Variants in SUPT3H observed in about 807,000 individuals in gnomAD.
SUPT3H encodes the protein SPT3 homolog, SAGA and STAGA complex component.
Under a neutral mutation model 44.3 loss-of-function variants are expected in SUPT3H, and 44 were observed. The observed-to-expected ratio is 0.99, with a 90% CI of 0.78 to 1.28. The LOEUF (loss-of-function observed/expected upper bound fraction) is 1.28. SUPT3H is among the 50% of genes most tolerant of loss of function. The pLI, the probability that SUPT3H is intolerant of heterozygous loss-of-function variation, is 0.00. For missense variants in SUPT3H, 380 were observed against 387.1 expected (o/e 0.98, Z 0.15); for synonymous variants, 124 against 125.6 (o/e 0.99, Z 0.09).
At chr6:44,864,476 G>A (rs528361964) in intron 10 of SUPT3H, among the ~76,000 whole-genome samples, 3 of 152,296 alleles carry the variant, frequency 2.0e-5, no homozygotes, top group South Asian at 4.1e-4. Flanking sequence ...CTCCATGAGA[G>A]CCCCACCCCT....
intron 3 of SUPT3H, among the ~76,000 whole-genome samples, chr6:45,071,307 A>G (rs1428900685): frequency 6.8e-6 from 1 of 148,130 alleles, no homozygotes; most frequent in Non-Finnish European, 1.5e-5. Context: ...ATATTTTAAA[A>G]TTGTTAGAAA....
intron 10 of SUPT3H, among the ~76,000 whole-genome samples, chr6:44,902,237 TAA>T (rs1294621352): frequency 6.6e-6 from 1 of 151,974 alleles, no homozygotes; most frequent in Non-Finnish European, 1.5e-5. Flanking sequence ...GCAAATTGGA[TAA>T]AGAGTCATGA....
chr6:45,079,205 G>A (rs184462570), intron 3 of SUPT3H, among the ~76,000 whole-genome samples: 1 of 152,232 alleles, frequency 6.6e-6, no homozygotes, highest in East Asian at 1.9e-4. Flanking sequence ...AGCTACTTGG[G>A]AGGCTGAGGC....
At chr6:45,070,739 C>CGA (rs1794240879) in intron 3 of SUPT3H, among the ~76,000 whole-genome samples, 1 of 102,846 alleles carries the variant, frequency 9.7e-6, no homozygotes, top group South Asian at 3.4e-4. Flanking sequence ...CTGTCTCAAA[C>CGA]AAAAAAAAAA....
chr6:45,365,242 T>G lies in SUPT3H; in HGVS notation c.60A>C (p.Thr20=). ...STATSSSGRS[T]GKSISFATEL... Reference sequence around the variant, plus strand: ...CTGTTGCAAAGCTTATAGACTTCCCTGTACTCCTTCCACTACTTGAAGTTG... The same window carrying G: ...CTGTTGCAAAGCTTATAGACTTCCCGGTACTCCTTCCACTACTTGAAGTTG... The change falls in exon 2 of 11, where the codon ACA becomes ACC. Residue 20 remains threonine (T), a synonymous_variant. Coordinates refer to ENST00000371459, the MANE Select transcript of SUPT3H (RefSeq NM_003599.4). The G allele has an allele frequency of 6.2e-7, 1 of 1,612,714 alleles. No homozygotes were observed. Among genetic ancestry groups the G allele is most frequent in the South Asian group, 1.1e-5 (1 of 90,998 alleles).
At chr6:44,898,856 C>G (rs1755564571) in intron 10 of SUPT3H, 1 of 152,244 alleles carries the variant, frequency 6.6e-6, no homozygotes, top group South Asian at 2.1e-4. Context: ...CATGACTACC[C>G]CGACTTGGCC....
chr6:45,320,570 T>C (rs1785337210), intron 2 of SUPT3H, among the ~76,000 whole-genome samples: 2 of 152,026 alleles, frequency 1.3e-5, no homozygotes, highest in East Asian at 1.9e-4. Flanking sequence ...TGAACCACCA[T>C]GCCTGGCCAC....
chr6:45,031,857 G>A (rs551301901), intron 3 of SUPT3H, among the ~76,000 whole-genome samples: 1 of 152,290 alleles, frequency 6.6e-6, no homozygotes, highest in East Asian at 1.9e-4. Context: ...CTAGCTGCAA[G>A]TGCATGAAAG....
intron 2 of SUPT3H, among the ~76,000 whole-genome samples, chr6:45,220,283 T>C (rs1211654962): frequency 6.6e-6 from 1 of 151,980 alleles, no homozygotes; most frequent in Non-Finnish European, 1.5e-5. Flanking sequence ...GTGGGAGTTA[T>C]TCCACATGTG....
intron 4 of SUPT3H, among the ~76,000 whole-genome samples, chr6:45,016,125 T>C (rs1784230342): frequency 6.6e-6 from 1 of 152,042 alleles, no homozygotes; most frequent in Non-Finnish European, 1.5e-5. Context: ...TTTTATACCA[T>C]CAGCAGTGCA....
At chr6:44,868,199 T>A (rs761385643) in intron 10 of SUPT3H, among the ~76,000 whole-genome samples, 1 of 152,178 alleles carries the variant, frequency 6.6e-6, no homozygotes, top group African/African-American at 2.4e-5. Context: ...AGTGCCCCCA[T>A]AGCTGGTGTA....
chr6:44,923,927 A>C (rs1769125930), intron 10 of SUPT3H, among the ~76,000 whole-genome samples: 1 of 152,152 alleles, frequency 6.6e-6, no homozygotes, highest in Non-Finnish European at 1.5e-5. Context: ...AATGAAGTTC[A>C]CCAAATATGG....
chr6:45,042,005 G>C (rs1213978860), intron 3 of SUPT3H, among the ~76,000 whole-genome samples: 2 of 152,168 alleles, frequency 1.3e-5, no homozygotes, highest in African/African-American at 4.8e-5. Context: ...AACTATATTA[G>C]AGACAGTAAA....
intron 1 of SUPT3H, 86 bp from the exon 2 acceptor site, chr6:45,365,387 T>G: frequency 1.2e-6 from 1 of 863,138 alleles, no homozygotes; most frequent in Non-Finnish European, 1.8e-6. Context: ...ATAAATTACT[T>G]CAAAAAGTAG....
chr6:44,992,846 T>C (rs1780777022), intron 6 of SUPT3H, among the ~76,000 whole-genome samples: 1 of 152,126 alleles, frequency 6.6e-6, no homozygotes. Context: ...TAAGAGATTA[T>C]ATATCCAGAA....
chr6:45,101,361 G>A (rs1236452751), intron 3 of SUPT3H, among the ~76,000 whole-genome samples: 2 of 152,178 alleles, frequency 1.3e-5, no homozygotes, highest in African/African-American at 4.8e-5. Context: ...GGAGGCGGAG[G>A]TTGCGGTGAG....
intron 3 of SUPT3H, among the ~76,000 whole-genome samples, chr6:45,065,662 T>C (rs1441481984): frequency 6.6e-6 from 1 of 150,872 alleles, no homozygotes; most frequent in Non-Finnish European, 1.5e-5. Flanking sequence ...CAAACTACCA[T>C]CAGATAATAC....
intron 10 of SUPT3H, among the ~76,000 whole-genome samples, chr6:44,923,738 G>C (rs762588442): frequency 5.3e-5 from 8 of 151,848 alleles, no homozygotes; most frequent in Non-Finnish European, 1.2e-4. Flanking sequence ...CAAATGTACT[G>C]GCTGCCCCAA....
chr6:45,013,392 G>A (rs1388504123), intron 5 of SUPT3H, among the ~76,000 whole-genome samples: 2 of 152,000 alleles, frequency 1.3e-5, no homozygotes, highest in African/African-American at 4.8e-5. Flanking sequence ...AAGCAGTGAC[G>A]TGGAAGAGCT....
Sources: allele counts gnomAD v4.1 joint callset (sites outside exome capture counted in the v4.1 genomes callset), GRCh38; gene constraint gnomAD v4.1.1; transcripts MANE v1.5; gene names NCBI Gene and HGNC (gene_info 2026-07-23, HGNC 2026-07-21).